RGS3: variants seen among roughly 807,000 people sequenced by gnomAD.
The protein encoded by RGS3 is regulator of G-protein signalling 3.
A neutral mutation model predicts 132.6 loss-of-function variants in RGS3; 80 were observed. The observed-to-expected ratio is 0.60, with a 90% CI of 0.50 to 0.73. RGS3 has a LOEUF of 0.73. RGS3 is among the 30% of genes least tolerant of loss of function. The probability of loss-of-function intolerance (pLI) is 0.00; values close to 1 mark genes in which losing one functional copy is unlikely to be tolerated. For missense variants in RGS3, 1,382 were observed against 1,530.8 expected (o/e 0.90, Z 1.62); for synonymous variants, 598 against 620.6 (o/e 0.96, Z 0.54).
chr9:113,444,872 A>T, exon 1 of RGS3: 1 of 152,306 alleles, frequency 6.6e-6, no homozygotes, highest in Non-Finnish European at 1.5e-5. Context: ...GAAGGGGAGG[A>T]GTACTCGTGA....
intron 19 of RGS3, among the ~76,000 whole-genome samples, chr9:113,571,147 C>G (rs928732536): frequency 6.6e-6 from 1 of 152,196 alleles, no homozygotes; most frequent in Admixed American, 6.5e-5. Flanking sequence ...TTTATCTAAT[C>G]TACTGCTGAT....
In RGS3 at chr9:113,596,753, C is replaced by T. The variant is rs773930334; in HGVS notation, c.3412-15C>T. On this transcript the variant is annotated splice_polypyrimidine_tract_variant and intron_variant, in intron 24 of 24. Transcript: ENST00000350696. Reference sequence around the variant, plus strand: ...CAGCAGGCAGCCCTGACCATGTCCCCCTCTGCCTCCCCAGGTCAACCTGGA... The same window carrying T: ...CAGCAGGCAGCCCTGACCATGTCCCTCTCTGCCTCCCCAGGTCAACCTGGA... 6.3e-7 allele frequency: 1 copy of T among 1,599,906 alleles called. No homozygotes were observed. The highest frequency in any genetic ancestry group is 8.5e-7 in the Non-Finnish European group (1 of 1,173,200).
chr9:113,460,257 A>C, exon 1 of RGS3: 1 of 1,048,440 alleles, frequency 9.5e-7, no homozygotes, highest in Non-Finnish European at 1.3e-6. Context: ...GCAGTGGCTC[A>C]TGCCTGTAAT....
chr9:113,495,832 C>T (rs1365486219), exon 8 of RGS3: 2 of 1,614,134 alleles, frequency 1.2e-6, no homozygotes, highest in Admixed American at 3.3e-5. Flanking sequence ...GAAGTCTCTC[C>T]TGACTCCAGA....
At chr9:113,477,917 A>G (rs763327215) in intron 3 of RGS3, among the ~76,000 whole-genome samples, 3 of 152,124 alleles carry the variant, frequency 2.0e-5, no homozygotes, top group Non-Finnish European at 4.4e-5. Flanking sequence ...GTGCCTGTCC[A>G]TGGGGTGGAC....
chr9:113,490,985 A>G (rs1420908777), intron 7 of RGS3, among the ~76,000 whole-genome samples: 1 of 133,512 alleles, frequency 7.5e-6, no homozygotes, highest in Non-Finnish European at 1.5e-5. Context: ...CTTAATTATT[A>G]TATATTGGTA....
rs151002300 is a variant in RGS3 at position 113,541,863 on chromosome 9, T to G, written c.2037+4945T>G. 186 of 986,898 alleles carry G rather than the reference T, an allele frequency of 1.9e-4. 1 individual carries two copies. The African/African-American group carries it at 2.8e-3, about 15-fold the overall frequency. 61.1% of individuals were successfully genotyped at this position (986,898 alleles called of 1,614,324 possible). A position where few individuals can be genotyped will look rare whatever the true frequency, so the allele number is the denominator to read the frequency against. ...TCATTTTCCACCTGTACACATTGGC[T>G]CATTCATTCGATGGATATTTCGGGT... On this transcript the variant is annotated intron_variant, in intron 19 of 24. Transcript: ENST00000350696.
At chr9:113,569,238 G>T (rs1201731659) in intron 19 of RGS3, among the ~76,000 whole-genome samples, 1 of 152,162 alleles carries the variant, frequency 6.6e-6, no homozygotes, top group Non-Finnish European at 1.5e-5. Flanking sequence ...ACCTCTTACT[G>T]GGGTTAGCCT....
At chr9:113,566,971 G>A (rs1250283464) in intron 19 of RGS3, among the ~76,000 whole-genome samples, 1 of 152,214 alleles carries the variant, frequency 6.6e-6, no homozygotes, top group Non-Finnish European at 1.5e-5. Context: ...CTTAGCCTAG[G>A]GCAGGCCCTT....
At chr9:113,483,192 C>A in intron 5 of RGS3, 75 bp downstream of exon 3, 1 of 1,043,038 alleles carries the variant, frequency 9.6e-7, no homozygotes, top group South Asian at 1.4e-5. Flanking sequence ...AAGGTCCCAG[C>A]ACACCTGTGG....
intron 19 of RGS3, among the ~76,000 whole-genome samples, chr9:113,549,721 G>A (rs766471125): frequency 4.6e-5 from 7 of 152,176 alleles, no homozygotes; most frequent in East Asian, 1.9e-4. Context: ...ATTTAACAGC[G>A]TAGTGTATCC....
intron 18 of RGS3, among the ~76,000 whole-genome samples, chr9:113,533,423 G>A (rs887497742): frequency 3.5e-4 from 53 of 152,104 alleles, no homozygotes; most frequent in African/African-American, 1.3e-3. Context: ...TAGAGACGGG[G>A]TTTCATCGTT....
At chr9:113,571,999 G>C (rs773498471) in intron 19 of RGS3, among the ~76,000 whole-genome samples, 1 of 152,158 alleles carries the variant, frequency 6.6e-6, no homozygotes, top group African/African-American at 2.4e-5. Context: ...GCAATACGTG[G>C]GTGGGTCACT....
intron 19 of RGS3, among the ~76,000 whole-genome samples, chr9:113,555,422 CT>C (rs1833527959): frequency 6.6e-6 from 1 of 152,104 alleles, no homozygotes; most frequent in African/African-American, 2.4e-5. Context: ...TCCTCCATAC[CT>C]CCTAGGTATT....
chr9:113,451,011 C>T (rs1277777474), intron 1 of RGS3, among the ~76,000 whole-genome samples: 2 of 151,956 alleles, frequency 1.3e-5, no homozygotes, highest in Non-Finnish European at 2.9e-5. Context: ...AACCCCATCT[C>T]TACTAAAAAT....
At chr9:113,551,285 T>C (rs971543992) in intron 19 of RGS3, among the ~76,000 whole-genome samples, 3 of 152,226 alleles carry the variant, frequency 2.0e-5, no homozygotes, top group African/African-American at 4.8e-5. Context: ...TCATCCATGT[T>C]GTAGCATGTA....
exon 15 of RGS3, chr9:113,514,519 G>A: frequency 6.2e-7 from 1 of 1,614,238 alleles, no homozygotes; most frequent in Non-Finnish European, 8.5e-7. Flanking sequence ...CCCGGCTGAT[G>A]AAGACAGTGC....
At chr9:113,538,095 C>T (rs1832753815) in intron 19 of RGS3, among the ~76,000 whole-genome samples, 2 of 152,228 alleles carry the variant, frequency 1.3e-5, no homozygotes, top group Admixed American at 6.5e-5. Context: ...ATGTCCCCAT[C>T]AGTAACCTGG....
intron 19 of RGS3, among the ~76,000 whole-genome samples, chr9:113,553,459 A>AAAAAAAAAAAAAATATATAT (rs1426114805): frequency 3.4e-5 from 2 of 58,706 alleles, no homozygotes; most frequent in Non-Finnish European, 6.0e-5. Flanking sequence ...AAAAAAAAAA[A>AAAAAAAAAAAAAATATATAT]ATATATATAT....
Sources: gnomAD v4.1 joint callset for allele counts (sites outside exome capture counted in the v4.1 genomes callset) on GRCh38, gnomAD v4.1.1 for gene constraint, MANE v1.5 for transcripts, NCBI Gene and HGNC (gene_info 2026-07-23, HGNC 2026-07-21) for gene names.